The following CTNNA2 variants were observed in gnomAD, a reference collection of about 807,000 sequenced individuals.
The protein encoded by CTNNA2 is catenin alpha-2.
CTNNA2 carries 42 observed loss-of-function variants against 101.0 expected under a neutral mutation model. The observed-to-expected ratio is 0.42, with a 90% CI of 0.32 to 0.54. CTNNA2 has a LOEUF of 0.54. CTNNA2 is among the 20% of genes least tolerant of loss of function. The probability of loss-of-function intolerance (pLI) is 0.14; values close to 1 mark genes in which losing one functional copy is unlikely to be tolerated. For missense variants in CTNNA2, 871 were observed against 1,223.1 expected, an observed-to-expected ratio of 0.71 and a Z score of 4.29; for synonymous variants, 450 against 456.4, an observed-to-expected ratio of 0.99 and a Z score of 0.18.
At chr2:79,848,907 G>A (rs1320506122) in intron 3 of CTNNA2, among the ~76,000 whole-genome samples, 2 of 152,082 alleles carry the variant, frequency 1.3e-5, no homozygotes, top group Admixed American at 1.3e-4. Context: ...GGATTTATTG[G>A]CCTCACAGCA....
At chr2:79,399,730 C>T (rs1218037637) in intron 4 of CTNNA2, among the ~76,000 whole-genome samples, 1 of 151,664 alleles carries the variant, frequency 6.6e-6, no homozygotes, top group East Asian at 1.9e-4. Flanking sequence ...GAAAATAGGC[C>T]TATACATATG....
intron 7 of CTNNA2, among the ~76,000 whole-genome samples, chr2:80,234,838 C>T (rs1709459648): frequency 6.6e-6 from 1 of 150,916 alleles, no homozygotes; most frequent in Non-Finnish European, 1.5e-5. Flanking sequence ...TATGTGCTAG[C>T]TTGTAAATAT....
chr2:79,929,151 G>A (rs1019873015), intron 7 of CTNNA2, among the ~76,000 whole-genome samples: 1 of 152,110 alleles, frequency 6.6e-6, no homozygotes, highest in Admixed American at 6.6e-5. Flanking sequence ...AGCTTTAGGG[G>A]CATTTTGGTG....
chr2:80,048,793 G>A (rs1407009131), intron 7 of CTNNA2, among the ~76,000 whole-genome samples: 1 of 152,192 alleles, frequency 6.6e-6, no homozygotes, highest in Non-Finnish European at 1.5e-5. Context: ...GTTCTACTGT[G>A]TAGGTGAAGG....
chr2:79,694,954 A>G (rs1337688400), intron 2 of CTNNA2, among the ~76,000 whole-genome samples: 1 of 151,420 alleles, frequency 6.6e-6, no homozygotes, highest in African/African-American at 2.4e-5. Context: ...CAGGAAAATT[A>G]CCTGCTTTAT....
chr2:80,594,930 C>A (rs1048805981), intron 15 of CTNNA2, among the ~76,000 whole-genome samples: 22 of 152,060 alleles, frequency 1.4e-4, no homozygotes, highest in East Asian at 5.8e-4. Flanking sequence ...GTTTTAAAAT[C>A]AAAAATTGTG....
chr2:79,839,490 C>T (rs573277494), intron 3 of CTNNA2, among the ~76,000 whole-genome samples: 1 of 152,162 alleles, frequency 6.6e-6, no homozygotes, highest in African/African-American at 2.4e-5. Context: ...CAGCCATTAT[C>T]TCATAAAAAG....
chr2:79,511,035 T>C (rs1187982392), upstream of CTNNA2, among the ~76,000 whole-genome samples: 3 of 152,242 alleles, frequency 2.0e-5, no homozygotes, highest in Non-Finnish European at 4.4e-5. Flanking sequence ...GGTCACTCTT[T>C]GGCCTGTAGT....
At chr2:79,602,113 G>A (rs1278434805) in intron 1 of CTNNA2, among the ~76,000 whole-genome samples, 1 of 152,190 alleles carries the variant, frequency 6.6e-6, no homozygotes, top group African/African-American at 2.4e-5. Context: ...CCGTCTTAAA[G>A]TTGAAAGATC....
intron 2 of CTNNA2, among the ~76,000 whole-genome samples, chr2:79,252,429 G>T (rs1471960085): frequency 6.6e-6 from 1 of 151,672 alleles, no homozygotes; most frequent in African/African-American, 2.4e-5. Context: ...TGGTTTTGTG[G>T]TTTTTCTATA....
intron 7 of CTNNA2, among the ~76,000 whole-genome samples, chr2:80,381,849 C>T (rs1343326969): frequency 6.6e-6 from 1 of 152,190 alleles, no homozygotes; most frequent in Admixed American, 6.5e-5. Context: ...CGAATCTATT[C>T]TCTTTCAGTT....
chr2:79,758,893 A>C (rs897977660), intron 3 of CTNNA2, among the ~76,000 whole-genome samples: 1 of 152,158 alleles, frequency 6.6e-6, no homozygotes, highest in Non-Finnish European at 1.5e-5. Context: ...TGAAAAGAAA[A>C]CAAACAGGTC....
intron 2 of CTNNA2, among the ~76,000 whole-genome samples, chr2:79,215,736 C>T (rs1385010463): frequency 6.6e-6 from 1 of 152,030 alleles, no homozygotes; most frequent in African/African-American, 2.4e-5. Context: ...GCTCTAGCCA[C>T]CTTTTTAAGA....
chr2:80,254,500 C>G (rs984385226), intron 7 of CTNNA2, among the ~76,000 whole-genome samples: 2 of 152,044 alleles, frequency 1.3e-5, no homozygotes, highest in Admixed American at 1.3e-4. Context: ...CAGGTCTGGC[C>G]CTTTGAACCA....
intron 2 of CTNNA2, among the ~76,000 whole-genome samples, chr2:79,305,349 T>C (rs1392251356): frequency 7.1e-6 from 1 of 140,762 alleles, no homozygotes; most frequent in African/African-American, 2.7e-5. Flanking sequence ...TATACATACA[T>C]ATACATATAT....
At chr2:80,597,067 A>G (rs1431671764) in intron 15 of CTNNA2, among the ~76,000 whole-genome samples, 1 of 152,170 alleles carries the variant, frequency 6.6e-6, no homozygotes, top group Non-Finnish European at 1.5e-5. Context: ...CAACTTGATC[A>G]TGGTGGATAA....
intron 7 of CTNNA2, among the ~76,000 whole-genome samples, chr2:80,349,363 T>A (rs2149294298): frequency 6.6e-6 from 1 of 152,224 alleles, no homozygotes; most frequent in South Asian, 2.1e-4. Flanking sequence ...GCTTTGTTGA[T>A]TTGTTGATTC....
At chr2:79,573,047 C>T (rs948820929) in intron 1 of CTNNA2, among the ~76,000 whole-genome samples, 3 of 152,080 alleles carry the variant, frequency 2.0e-5, no homozygotes, top group South Asian at 2.1e-4. Context: ...ACACTCTATA[C>T]GGCATTTCCT....
chr2:80,248,098 C>T (rs1229955125), intron 7 of CTNNA2, among the ~76,000 whole-genome samples: 1 of 151,652 alleles, frequency 6.6e-6, no homozygotes, highest in Non-Finnish European at 1.5e-5. Flanking sequence ...ATGCTTGTGC[C>T]CTATCTCTTT....
Sources: allele counts gnomAD v4.1 joint callset (sites outside exome capture counted in the v4.1 genomes callset), GRCh38; gene constraint gnomAD v4.1.1; transcripts MANE v1.5; gene names NCBI Gene and HGNC (gene_info 2026-07-23, HGNC 2026-07-21).